FOXJ3: variants seen among roughly 807,000 people sequenced by gnomAD.
FOXJ3 encodes forkhead box J3.
Under a neutral mutation model 76.1 loss-of-function variants are expected in FOXJ3, and 22 were observed. The observed-to-expected ratio is 0.29, with a 90% CI of 0.21 to 0.41. FOXJ3 has a LOEUF of 0.41. Among genes scored for constraint, FOXJ3 ranks in the 10% least tolerant of loss-of-function variants. The pLI, the probability that FOXJ3 is intolerant of heterozygous loss-of-function variation, is 1.00. For missense variants in FOXJ3, 613 were observed against 762.1 expected (o/e 0.80, Z 2.30); for synonymous variants, 269 against 261.2 (o/e 1.03, Z -0.29).
chr1:42,208,174 C>A (rs1322710028), intron 5 of FOXJ3, among the ~76,000 whole-genome samples: 1 of 152,194 alleles, frequency 6.6e-6, no homozygotes, highest in Non-Finnish European at 1.5e-5. Context: ...TCATGTAAAG[C>A]GCTTAGCATG....
rs1190021896 is a variant in FOXJ3 at position 42,191,686 on chromosome 1, T to C, written c.968A>G (p.Gln323Arg). The stretch of plus-strand genomic sequence containing the variant: ...CTGATAGGTACATGAAGTGTGGGAC[T>C]GCTGGGAAGATTCAGAAGGGATGTT... ...LMNIPSESSQ[Q>R]SHTSCTYQHS... The change falls in exon 9 of 13, where the codon CAG (glutamine) becomes CGG (arginine). Residue 323 changes from glutamine (Q) to arginine (R), a missense_variant. Physicochemically the swap from Gln to Arg is conservative, Grantham distance 43. Around this residue, in one of 3 missense-constraint regions of FOXJ3, gnomAD observed 526 missense variants for 601.4 expected, o/e 0.87. Coordinates refer to ENST00000361346, the MANE Select transcript of FOXJ3 (RefSeq NM_014947.5). 1 of 1,613,808 alleles carries C rather than the reference T, an allele frequency of 6.2e-7. No individual in the cohort carries two copies. Among genetic ancestry groups the C allele is most frequent in the South Asian group, 1.1e-5 (1 of 91,080 alleles).
intron 4 of FOXJ3, among the ~76,000 whole-genome samples, 168 bp from the exon 5 acceptor site, chr1:42,228,134 T>A (rs1647730102): frequency 6.6e-6 from 1 of 152,092 alleles, no homozygotes; most frequent in African/African-American, 2.4e-5. Context: ...AGAAAATATA[T>A]CCACTTATAA....
In FOXJ3 at chr1:42,181,897, A is replaced by T. The variant is rs112978150; in HGVS notation, c.1753+20T>A. 3,866 of 1,192,300 alleles carry T rather than the reference A, an allele frequency of 3.2e-3. 58 individuals carry two copies. In the African/African-American group the frequency reaches 0.054, roughly 17 times the overall value. 73.9% of individuals were successfully genotyped at this position (1,192,300 alleles called of 1,614,324 possible). A position where few individuals can be genotyped will look rare whatever the true frequency, so the allele number is the denominator to read the frequency against. ...CACACACACACACACACACACACTC[A>T]CTCTCTCTCTCTCTCTTACCTGCCA... is the stretch of plus-strand genomic sequence containing the variant. On this transcript the variant is annotated intron_variant, in intron 12 of 12. Transcript: ENST00000361346.
chr1:42,197,633 A>C (rs1646676576), intron 7 of FOXJ3, among the ~76,000 whole-genome samples: 1 of 151,992 alleles, frequency 6.6e-6, no homozygotes, highest in Non-Finnish European at 1.5e-5. Flanking sequence ...TTAATACCTA[A>C]TACAATGTAA....
intron 5 of FOXJ3, among the ~76,000 whole-genome samples, chr1:42,211,460 C>T (rs1271758080): frequency 6.6e-6 from 1 of 152,022 alleles, no homozygotes; most frequent in East Asian, 1.9e-4. Context: ...TTCCTTCCTT[C>T]CCCTTGAGAA....
chr1:42,220,788 C>T (rs942124358), intron 5 of FOXJ3, among the ~76,000 whole-genome samples: 9 of 152,166 alleles, frequency 5.9e-5, no homozygotes, highest in African/African-American at 2.2e-4. Flanking sequence ...GTCCTATCTC[C>T]TTGCCCTACT....
chr1:42,191,197 C>T (rs1085252), intron 9 of FOXJ3, 106 bp downstream of exon 9: 2 of 998,810 alleles, frequency 2.0e-6, no homozygotes, highest in Non-Finnish European at 1.4e-6. Context: ...AGCAAGGAAA[C>T]AGATGTAAAG....
At chr1:42,315,324 C>A (rs1655042380) in intron 1 of FOXJ3, 1 of 607,220 alleles carries the variant, frequency 1.6e-6, no homozygotes, top group Non-Finnish European at 2.1e-6. Context: ...AAATGGTGAA[C>A]TTCACAGTAT....
chr1:42,176,589 A>T lies in FOXJ3; in HGVS notation c.*3121T>A, dbSNP rs1005866481. The T allele has an allele frequency of 6.5e-6, 1 of 152,674 alleles. No individual in the cohort carries two copies. The highest frequency in any genetic ancestry group is 2.4e-5 in the African/African-American group (1 of 41,454). 9.5% of individuals were successfully genotyped at this position (152,674 alleles called of 1,614,324 possible). ...TATTTATTTTAAGTGCCATTCATGC[A>T]TATCAGTTCTGGCAGCAACAATCCT... is the stretch of plus-strand genomic sequence containing the variant. On this transcript the variant is annotated 3_prime_UTR_variant, in exon 13 of 13. Coordinates refer to ENST00000361346, the MANE Select transcript of FOXJ3 (RefSeq NM_014947.5).
At chr1:42,278,770 A>G (rs1652479607) in intron 2 of FOXJ3, 98 bp from the exon 3 acceptor site, 1 of 838,810 alleles carries the variant, frequency 1.2e-6, no homozygotes, top group Non-Finnish European at 1.9e-6. Flanking sequence ...AAGTGAGGGA[A>G]AGCCTGAGTT....
intron 5 of FOXJ3, among the ~76,000 whole-genome samples, chr1:42,216,473 G>C (rs1002557293): frequency 1.3e-5 from 2 of 150,938 alleles, no homozygotes; most frequent in African/African-American, 4.9e-5. Context: ...AGCCGAGATC[G>C]CGCCACTGCA....
chr1:42,260,094 A>G (rs1650918124), intron 4 of FOXJ3, among the ~76,000 whole-genome samples: 1 of 152,190 alleles, frequency 6.6e-6, no homozygotes. Flanking sequence ...CTTCTTTACA[A>G]AAATCATGCA....
intron 1 of FOXJ3, among the ~76,000 whole-genome samples, chr1:42,326,551 G>A (rs1655841440): frequency 6.6e-6 from 1 of 152,076 alleles, no homozygotes; most frequent in Non-Finnish European, 1.5e-5. Flanking sequence ...TCATGTTCCA[G>A]GGATACTTTT....
At chr1:42,334,096 G>A (rs1256845458) in intron 1 of FOXJ3, 4 of 943,652 alleles carry the variant, frequency 4.2e-6, no homozygotes, top group Non-Finnish European at 3.8e-6. Context: ...TTGCTAACCA[G>A]ACACACAAAA....
At position 42,191,661 on chromosome 1, in the gene FOXJ3, C is replaced by T. The variant is rs1646550432; in HGVS notation, c.993G>A (p.Gln331=). 2 of 1,613,906 alleles carry T rather than the reference C, an allele frequency of 1.2e-6. No individual in the cohort carries two copies. Among genetic ancestry groups the T allele is most frequent in the Non-Finnish European group, 1.7e-6 (2 of 1,180,000 alleles). ...TGCTCACTGTACTGCTGGGAGAGTG[C>T]TGATAGGTACATGAAGTGTGGGACT... The part of the protein sequence containing the change: ...SQQSHTSCTY[Q]HSPSSTVSTH... Residue 331 remains glutamine, a synonymous_variant, in exon 9 of 13, where the codon CAG becomes CAA. Transcript: ENST00000361346.
chr1:42,237,911 TAC>T (rs60804378), intron 4 of FOXJ3, among the ~76,000 whole-genome samples: 9,178 of 150,662 alleles, frequency 0.061, 339 homozygotes, highest in Non-Finnish European at 0.081. Flanking sequence ...TCTATCAAAA[TAC>T]ACACACACAC....
intron 5 of FOXJ3, among the ~76,000 whole-genome samples, chr1:42,212,162 G>A (rs535110300): frequency 6.6e-6 from 1 of 152,304 alleles, no homozygotes; most frequent in South Asian, 2.1e-4. Context: ...GCTGAGCCAG[G>A]AGAATGGCTT....
intron 4 of FOXJ3, among the ~76,000 whole-genome samples, chr1:42,254,085 A>G (rs1395676282): frequency 2.6e-5 from 4 of 152,154 alleles, no homozygotes; most frequent in African/African-American, 9.7e-5. Context: ...GCTAATATCC[A>G]GAATCTACAA....
chr1:42,241,899 G>A (rs754392384), intron 4 of FOXJ3, among the ~76,000 whole-genome samples: 66 of 152,228 alleles, frequency 4.3e-4, no homozygotes, highest in Non-Finnish European at 9.0e-4. Context: ...ACCACCACCA[G>A]GGCCCAAGAA....
Sources: gnomAD v4.1 joint callset for allele counts (sites outside exome capture counted in the v4.1 genomes callset) on GRCh38, gnomAD v4.1.1 for gene constraint, gnomAD v4.1.1 regional missense constraint, MANE v1.5 for transcripts, NCBI Gene and HGNC (gene_info 2026-07-23, HGNC 2026-07-21) for gene names.